HS3ST5: variants seen among roughly 807,000 people sequenced by gnomAD.
HS3ST5 encodes heparan sulfate glucosamine 3-O-sulfotransferase 5.
HS3ST5 carries 10 observed loss-of-function variants against 25.4 expected under a neutral mutation model. The ratio of observed to expected loss-of-function variants is 0.39; its 90% CI spans 0.24 to 0.67. The LOEUF (loss-of-function observed/expected upper bound fraction) is 0.67, where lower values mean the gene tolerates loss of function less well. Ranked by LOEUF, HS3ST5 falls within the 30% of genes least tolerant of loss-of-function variation. HS3ST5 has a pLI of 0.44. For synonymous variants in HS3ST5, 170 were observed against 162.4 expected, an observed-to-expected ratio of 1.05 and a Z score of -0.36; for missense variants, 324 against 420.7, an observed-to-expected ratio of 0.77 and a Z score of 2.01.
intron 3 of HS3ST5, among the ~76,000 whole-genome samples, chr6:114,090,000 G>A (rs1271696178): frequency 2.0e-5 from 3 of 152,186 alleles, no homozygotes; most frequent in Non-Finnish European, 2.9e-5. Context: ...CTGGCGTTGG[G>A]GAGGTAGTCA....
At chr6:114,076,686 T>G (rs1774158038) in intron 3 of HS3ST5, among the ~76,000 whole-genome samples, 1 of 152,206 alleles carries the variant, frequency 6.6e-6, no homozygotes, top group South Asian at 2.1e-4. Context: ...CATAAAGAAC[T>G]CGTTTTCCTT....
intron 3 of HS3ST5, among the ~76,000 whole-genome samples, chr6:114,085,813 T>C (rs1030978477): frequency 1.3e-5 from 2 of 152,190 alleles, no homozygotes; most frequent in Non-Finnish European, 2.9e-5. Flanking sequence ...TCATCATATA[T>C]TTTAGTTATT....
intron 2 of HS3ST5, among the ~76,000 whole-genome samples, chr6:114,218,416 T>G (rs538098114): frequency 2.0e-5 from 3 of 152,368 alleles, no homozygotes; most frequent in African/African-American, 7.2e-5. Context: ...AGTTCCGGTT[T>G]CAATGACAAA....
intron 2 of HS3ST5, among the ~76,000 whole-genome samples, chr6:114,203,573 T>G (rs1225881243): frequency 1.3e-5 from 2 of 152,198 alleles, no homozygotes; most frequent in Non-Finnish European, 2.9e-5. Flanking sequence ...TTTCAGACTT[T>G]TGCATTCTGA....
At chr6:114,334,144 C>T (rs890173418) in intron 1 of HS3ST5, among the ~76,000 whole-genome samples, 3 of 152,170 alleles carry the variant, frequency 2.0e-5, no homozygotes, top group South Asian at 2.1e-4. Context: ...GAAAAGAATA[C>T]AATCCCTGTC....
At chr6:114,218,742 CTTT>C (rs1781888797) in intron 2 of HS3ST5, among the ~76,000 whole-genome samples, 1 of 152,110 alleles carries the variant, frequency 6.6e-6, no homozygotes, top group Non-Finnish European at 1.5e-5. Flanking sequence ...AAACACGTAA[CTTT>C]TTTATGTCCA....
chr6:114,109,122 C>T (rs1451018119), intron 3 of HS3ST5, among the ~76,000 whole-genome samples: 3 of 151,892 alleles, frequency 2.0e-5, no homozygotes, highest in African/African-American at 7.3e-5. Flanking sequence ...GTGTTTGTGC[C>T]ACTGCACTCC....
At chr6:114,261,805 A>G (rs1562256490) in intron 1 of HS3ST5, among the ~76,000 whole-genome samples, 1 of 152,184 alleles carries the variant, frequency 6.6e-6, no homozygotes, top group Non-Finnish European at 1.5e-5. Flanking sequence ...TGCTTCTTCC[A>G]TGTTAAAAAT....
rs1252546728 is a variant in HS3ST5 at position 114,055,654 on chromosome 6, A to T, written c.*1603T>A. The stretch of plus-strand genomic sequence containing the variant: ...ACCATCAAATCACTAGACAGGATAA[A>T]CAACTCATGGAGAAAATCAACACTT... On this transcript the variant is annotated 3_prime_UTR_variant, in exon 5 of 5. Transcript: ENST00000312719. 1 of 152,248 alleles carries T rather than the reference A, an allele frequency of 6.6e-6. No homozygotes were observed. The highest frequency in any genetic ancestry group is 1.5e-5 in the Non-Finnish European group (1 of 68,026). The allele number at this position is 152,248 out of a possible 1,614,324, so 9.4% of individuals were successfully genotyped here.
At chr6:114,106,024 AGTTTT>A (rs1562198968) in intron 3 of HS3ST5, among the ~76,000 whole-genome samples, 9 of 152,262 alleles carry the variant, frequency 5.9e-5, no homozygotes, top group Non-Finnish European at 1.2e-4. Context: ...TCAACAAATC[AGTTTT>A]ACTTAATGCT....
At chr6:114,306,241 A>AT (rs1775284211) in intron 1 of HS3ST5, among the ~76,000 whole-genome samples, 4 of 92,456 alleles carry the variant, frequency 4.3e-5, no homozygotes, top group Non-Finnish European at 9.2e-5. Flanking sequence ...AAATATACAT[A>AT]TATATATATA....
chr6:114,274,831 G>A (rs1032196152), intron 1 of HS3ST5, among the ~76,000 whole-genome samples: 5 of 150,914 alleles, frequency 3.3e-5, no homozygotes, highest in African/African-American at 1.2e-4. Context: ...GTCTGAGAAT[G>A]TGTCGGAGTC....
At chr6:114,187,243 A>G (rs1780265127) in intron 2 of HS3ST5, among the ~76,000 whole-genome samples, 1 of 152,246 alleles carries the variant, frequency 6.6e-6, no homozygotes, top group African/African-American at 2.4e-5. Context: ...GCTGCCATAG[A>G]CAGTGATTCC....
intron 2 of HS3ST5, among the ~76,000 whole-genome samples, chr6:114,191,330 T>C (rs1422301109): frequency 6.6e-6 from 1 of 152,214 alleles, no homozygotes; most frequent in East Asian, 1.9e-4. Flanking sequence ...TTCTGCCTTA[T>C]TGGCTATTAA....
chr6:114,313,921 C>A (rs10447429), intron 1 of HS3ST5, among the ~76,000 whole-genome samples: 49,620 of 138,496 alleles, frequency 0.36, 8,966 homozygotes, highest in Non-Finnish European at 0.44. Context: ...GATCTAACCC[C>A]CATTTTGTTT....
chr6:114,274,481 A>T (rs1328650097), intron 1 of HS3ST5, among the ~76,000 whole-genome samples: 1 of 152,068 alleles, frequency 6.6e-6, no homozygotes, highest in African/African-American at 2.4e-5. Flanking sequence ...TTAGTTATGG[A>T]TGGAACTGAG....
chr6:114,132,936 G>A (rs1244434817), intron 3 of HS3ST5, among the ~76,000 whole-genome samples: 1 of 152,100 alleles, frequency 6.6e-6, no homozygotes, highest in Non-Finnish European at 1.5e-5. Context: ...TCATTGTTCT[G>A]TCCTCCTTGT....
chr6:114,124,983 C>T (rs1407857152), intron 3 of HS3ST5, among the ~76,000 whole-genome samples: 1 of 152,156 alleles, frequency 6.6e-6, no homozygotes, highest in Non-Finnish European at 1.5e-5. Context: ...TGCTGGAAAT[C>T]TCTTAAGAAA....
At chr6:114,219,399 T>A (rs1455114062) in intron 2 of HS3ST5, among the ~76,000 whole-genome samples, 1 of 152,052 alleles carries the variant, frequency 6.6e-6, no homozygotes, top group Non-Finnish European at 1.5e-5. Flanking sequence ...TATGAAGTGA[T>A]TAAAAATGAA....
Sources: gnomAD v4.1 joint callset for allele counts (sites outside exome capture counted in the v4.1 genomes callset) on GRCh38, gnomAD v4.1.1 for gene constraint, MANE v1.5 for transcripts, NCBI Gene and HGNC (gene_info 2026-07-23, HGNC 2026-07-21) for gene names.